The following SMYD3 variants were observed in gnomAD, a reference collection of about 807,000 sequenced individuals.
The protein encoded by SMYD3 is histone-lysine N-methyltransferase SMYD3.
Under a neutral mutation model 57.7 loss-of-function variants are expected in SMYD3, and 36 were observed. The ratio of observed to expected loss-of-function variants is 0.62; its 90% CI spans 0.48 to 0.82. The LOEUF is 0.82. SMYD3 is among the 40% of genes least tolerant of loss of function. The pLI is 0.00. For synonymous variants in SMYD3, 211 were observed against 195.0 expected, an observed-to-expected ratio of 1.08 and a Z score of -0.68; for missense variants, 515 against 538.8, an observed-to-expected ratio of 0.96 and a Z score of 0.44.
chr1:245,803,148 G>A (rs192878266), intron 10 of SMYD3, among the ~76,000 whole-genome samples: 1 of 152,254 alleles, frequency 6.6e-6, no homozygotes, highest in Non-Finnish European at 1.5e-5. Context: ...TTCCGGAATG[G>A]CGTGCCGAAA....
At chr1:246,354,980 T>A (rs1267461562) in intron 2 of SMYD3, 51 bp downstream of exon 2, 30 of 1,549,676 alleles carry the variant, frequency 1.9e-5, no homozygotes, top group Non-Finnish European at 2.6e-5. Flanking sequence ...AGGACAAATT[T>A]AAGAGTAAAG....
intron 5 of SMYD3, among the ~76,000 whole-genome samples, chr1:246,299,965 G>A (rs1454805017): frequency 2.0e-5 from 3 of 151,158 alleles, no homozygotes; most frequent in Non-Finnish European, 4.4e-5. Flanking sequence ...CTCATGATAC[G>A]AGTTTACCTA....
intron 1 of SMYD3, among the ~76,000 whole-genome samples, chr1:246,459,869 A>T (rs925139199): frequency 7.4e-5 from 11 of 149,398 alleles, no homozygotes; most frequent in African/African-American, 2.2e-4. Context: ...TGTCACGTGA[A>T]CTGAAGATTC....
intron 5 of SMYD3, among the ~76,000 whole-genome samples, chr1:246,282,548 CA>C (rs34605656): frequency 7.5e-4 from 110 of 146,118 alleles, no homozygotes; most frequent in Admixed American, 9.5e-4. Flanking sequence ...TTATTTGTTC[CA>C]AAAAAAAAAA....
chr1:246,217,802 T>A (rs2063188033), intron 5 of SMYD3, among the ~76,000 whole-genome samples: 1 of 152,148 alleles, frequency 6.6e-6, no homozygotes, highest in South Asian at 2.1e-4. Context: ...AGTTTTTAAA[T>A]CCCACAATGT....
rs976277412 is a variant in SMYD3, at chr1:246,437,524, CAA to C, written c.164+69528_164+69529del. 4.9e-4 allele frequency among the ~76,000 whole-genome samples: 74 copies of C among 152,292 alleles called. No homozygotes were observed. In the Middle Eastern group the frequency reaches 0.014, roughly 28 times the overall value. ...CTCAGCAATCTGATGGGTTAAAAAA[CAA>C]AAGTCATGAACTTGTCATTGTCCAG... On this transcript the variant is annotated intron_variant, in intron 1 of 11. Transcript: ENST00000490107.
chr1:246,506,978 G>GCCCCCCCCCCCCCCCCCCCCCCCCC, intron 1 of SMYD3, 76 bp downstream of exon 1: 13 of 1,174,486 alleles, frequency 1.1e-5, no homozygotes, highest in African/African-American at 4.0e-5. Flanking sequence ...CGCGGCTGCC[G>GCCCCCCCCCCCCCCCCCCCCCCCCC]GCCGCCCGAC....
At chr1:246,046,207 A>G (rs1470532401) in intron 5 of SMYD3, among the ~76,000 whole-genome samples, 11 of 152,208 alleles carry the variant, frequency 7.2e-5, no homozygotes, top group Admixed American at 7.2e-4. Flanking sequence ...TCACAATAGC[A>G]AAGACTTGGA....
chr1:245,845,654 C>T (rs535489775), intron 10 of SMYD3, among the ~76,000 whole-genome samples: 1 of 152,170 alleles, frequency 6.6e-6, no homozygotes, highest in Non-Finnish European at 1.5e-5. Context: ...TCCTGCTGTT[C>T]CCTTGGAAAT....
Position 246,327,357 on chromosome 1 carries a change from A to C in SMYD3, c.395-20T>G. The stretch of plus-strand genomic sequence containing the variant: ...TAATATCTTTTTTAAAGAGAAAATA[A>C]ATAGCACAATCTCAAAGTAAACTTC... On this transcript the variant is annotated intron_variant, in intron 4 of 11. Transcript: ENST00000490107. 6.3e-7 allele frequency: 1 copy of C among 1,599,014 alleles called. No individual in the cohort carries two copies. Among genetic ancestry groups the C allele is most frequent in the South Asian group, 1.1e-5 (1 of 88,988 alleles).
intron 5 of SMYD3, among the ~76,000 whole-genome samples, chr1:246,004,801 G>C (rs932546917): frequency 1.3e-5 from 2 of 152,142 alleles, no homozygotes; most frequent in South Asian, 4.1e-4. Flanking sequence ...GTTCCCTGGG[G>C]AGGCCTATAT....
At chr1:246,133,412 A>G (rs144184431) in intron 5 of SMYD3, among the ~76,000 whole-genome samples, 1 of 152,242 alleles carries the variant, frequency 6.6e-6, no homozygotes, top group South Asian at 2.1e-4. Flanking sequence ...CACTTTACTC[A>G]ATGAAAAACC....
chr1:245,980,010 G>A (rs1191104366), intron 5 of SMYD3, among the ~76,000 whole-genome samples: 1 of 152,230 alleles, frequency 6.6e-6, no homozygotes, highest in African/African-American at 2.4e-5. Flanking sequence ...CCTGCCACTC[G>A]CCAGCTGTGG....
chr1:245,840,124 G>A (rs12041084), intron 10 of SMYD3, among the ~76,000 whole-genome samples: 22,264 of 152,068 alleles, frequency 0.15, 2,177 homozygotes, highest in East Asian at 0.41. Context: ...CAGAAAAACA[G>A]AGGAAATAAA....
At chr1:245,750,166 T>A (rs2147996503) in intron 11 of SMYD3, among the ~76,000 whole-genome samples, 2 of 152,318 alleles carry the variant, frequency 1.3e-5, no homozygotes, top group East Asian at 3.9e-4. Flanking sequence ...TGGTCCATTA[T>A]TAAATCTTGT....
At chr1:246,246,845 C>CTA (rs10649022) in intron 5 of SMYD3, among the ~76,000 whole-genome samples, 99 of 149,424 alleles carry the variant, frequency 6.6e-4, no homozygotes, top group African/African-American at 1.2e-3. Context: ...TACATATATA[C>CTA]TATATATATA....
At chr1:245,955,168 T>C (rs187473077) in intron 5 of SMYD3, among the ~76,000 whole-genome samples, 4 of 152,302 alleles carry the variant, frequency 2.6e-5, no homozygotes, top group African/African-American at 7.2e-5. Flanking sequence ...CTCAGCTCAC[T>C]GCAAGTTCCG....
At chr1:246,173,963 C>T (rs1246768108) in intron 5 of SMYD3, among the ~76,000 whole-genome samples, 1 of 152,074 alleles carries the variant, frequency 6.6e-6, no homozygotes, top group Non-Finnish European at 1.5e-5. Context: ...CGTGTCACCA[C>T]ACCTGACTAT....
chr1:246,461,851 CCT>C (rs2067802658), intron 1 of SMYD3, among the ~76,000 whole-genome samples: 1 of 152,072 alleles, frequency 6.6e-6, no homozygotes, highest in South Asian at 2.1e-4. Context: ...TTTTGGCATA[CCT>C]GTGTTCACGT....
Sources: gnomAD v4.1 joint callset for allele counts (sites outside exome capture counted in the v4.1 genomes callset) on GRCh38, gnomAD v4.1.1 for gene constraint, MANE v1.5 for transcripts, NCBI Gene and HGNC (gene_info 2026-07-23, HGNC 2026-07-21) for gene names.